The following RNF11 variants were observed in gnomAD, a reference collection of about 807,000 sequenced individuals.
RNF11 encodes ring finger protein 11.
A neutral mutation model predicts 15.8 loss-of-function variants in RNF11; 4 were observed. That is an observed-to-expected ratio of 0.25 (90% confidence interval 0.12 to 0.58). RNF11 has a LOEUF of 0.58. Ranked by LOEUF, RNF11 falls within the 20% of genes least tolerant of loss-of-function variation. The pLI is 0.91. For synonymous variants in RNF11, 68 were observed against 72.3 expected, an observed-to-expected ratio of 0.94 and a Z score of 0.30; for missense variants, 139 against 194.4, an observed-to-expected ratio of 0.71 and a Z score of 1.70.
chr1:51,238,703 T>G (rs895382329), intron 1 of RNF11, among the ~76,000 whole-genome samples: 2 of 152,056 alleles, frequency 1.3e-5, no homozygotes, highest in Non-Finnish European at 2.9e-5. Context: ...CCTCCTATGT[T>G]TACTATACAA....
At chr1:51,256,467 G>A (rs920531872) in intron 1 of RNF11, among the ~76,000 whole-genome samples, 7 of 151,934 alleles carry the variant, frequency 4.6e-5, no homozygotes, top group Non-Finnish European at 7.4e-5. Context: ...TTTACCTATC[G>A]AAGGACACCA....
intron 1 of RNF11, among the ~76,000 whole-genome samples, chr1:51,244,346 G>A (rs1646842871): frequency 6.6e-6 from 1 of 152,062 alleles, no homozygotes; most frequent in South Asian, 2.1e-4. Flanking sequence ...TGAGCTTTGG[G>A]AAAGTTAATT....
intron 1 of RNF11, among the ~76,000 whole-genome samples, chr1:51,244,458 C>T (rs1052144665): frequency 6.6e-6 from 1 of 152,174 alleles, no homozygotes; most frequent in African/African-American, 2.4e-5. Flanking sequence ...GATCTCAGCT[C>T]ACTGCAAGCT....
chr1:51,251,208 G>T, intron 1 of RNF11: 2 of 1,400,958 alleles, frequency 1.4e-6, no homozygotes, highest in Non-Finnish European at 2.0e-6. Flanking sequence ...AATGATCTCT[G>T]ATTCCTTAAT....
intron 1 of RNF11, among the ~76,000 whole-genome samples, chr1:51,267,608 A>G (rs1646960870): frequency 6.6e-6 from 1 of 152,248 alleles, no homozygotes; most frequent in Admixed American, 6.5e-5. Flanking sequence ...TGCCCCAGGT[A>G]CTGATTAGGC....
chr1:51,243,587 C>G (rs958569161), intron 1 of RNF11, among the ~76,000 whole-genome samples: 6 of 152,056 alleles, frequency 3.9e-5, no homozygotes, highest in Non-Finnish European at 8.8e-5. Context: ...TACAGGCATG[C>G]GCCACCACAC....
chr1:51,253,856 A>G (rs747718876), intron 1 of RNF11, among the ~76,000 whole-genome samples: 3 of 152,120 alleles, frequency 2.0e-5, no homozygotes, highest in African/African-American at 4.8e-5. Flanking sequence ...GGATCTTGCC[A>G]GGCACAATGA....
chr1:51,241,327 A>G (rs1160231788), intron 1 of RNF11, among the ~76,000 whole-genome samples: 3 of 152,152 alleles, frequency 2.0e-5, no homozygotes, highest in African/African-American at 4.8e-5. Flanking sequence ...GGCAGTAGCT[A>G]TTCACAGGTG....
rs566788322 is a variant in RNF11, at chr1:51,271,635, G to A, written c.*313G>A. 5.5e-6 allele frequency: 1 copy of A among 180,420 alleles called. No individual in the cohort carries two copies. The highest frequency in any genetic ancestry group is 2.3e-5 in the African/African-American group (1 of 42,758). 11.2% of individuals were successfully genotyped at this position (180,420 alleles called of 1,614,324 possible). On this transcript the variant is annotated 3_prime_UTR_variant, in exon 3 of 3. Transcript: ENST00000242719. ...CAGCAGCTGTATTTGTTTAAATTGT[G>A]TGTATTGAAGATTAGGAAAAAGATA...
chr1:51,266,308 C>T (rs1256191910), intron 1 of RNF11, among the ~76,000 whole-genome samples: 1 of 152,038 alleles, frequency 6.6e-6, no homozygotes, highest in Non-Finnish European at 1.5e-5. Flanking sequence ...GACAACAACC[C>T]AGGTATTTTC....
chr1:51,254,272 C>T (rs1646894396), intron 1 of RNF11, among the ~76,000 whole-genome samples: 2 of 151,872 alleles, frequency 1.3e-5, no homozygotes, highest in Non-Finnish European at 2.9e-5. Context: ...TCCTTGCTTC[C>T]TTGAATGAAT....
chr1:51,271,539 A>G lies in RNF11; in HGVS notation c.*217A>G. On this transcript the variant is annotated 3_prime_UTR_variant, in exon 3 of 3. Coordinates refer to ENST00000242719, the MANE Select transcript of RNF11 (RefSeq NM_014372.5). ...GTATTTTTATGTAAAGCCTTGACCCAATGTTTAAAAATATAATTGTATTTA... is the reference window on the plus strand; with the variant it reads ...GTATTTTTATGTAAAGCCTTGACCCGATGTTTAAAAATATAATTGTATTTA... The G allele has an allele frequency of 2.3e-6, 1 of 442,512 alleles. No individual in the cohort carries two copies. The highest frequency in any genetic ancestry group is 4.1e-6 in the Non-Finnish European group (1 of 245,912). 27.4% of individuals were successfully genotyped at this position (442,512 alleles called of 1,614,324 possible).
intron 1 of RNF11, among the ~76,000 whole-genome samples, chr1:51,259,846 C>T (rs1350651862): frequency 2.0e-5 from 3 of 152,122 alleles, no homozygotes; most frequent in Non-Finnish European, 2.9e-5. Flanking sequence ...GATCAAATAG[C>T]GTATGTAGGA....
intron 1 of RNF11, among the ~76,000 whole-genome samples, chr1:51,244,589 T>C (rs1418189038): frequency 6.6e-6 from 1 of 152,122 alleles, no homozygotes; most frequent in African/African-American, 2.4e-5. Context: ...GGTTTCACCG[T>C]GGTCTTGATC....
At chr1:51,240,447 G>GT (rs58755938) in intron 1 of RNF11, among the ~76,000 whole-genome samples, 3,197 of 152,072 alleles carry the variant, frequency 0.021, 96 homozygotes, top group African/African-American at 0.065. Context: ...TCACCCTGTT[G>GT]TTTTCCCCCC....
chr1:51,252,907 A>G (rs954407803), intron 1 of RNF11, among the ~76,000 whole-genome samples: 4 of 149,794 alleles, frequency 2.7e-5, no homozygotes, highest in Admixed American at 2.0e-4. Flanking sequence ...GCTCACTGCA[A>G]CCTCCACCTC....
intron 1 of RNF11, among the ~76,000 whole-genome samples, chr1:51,242,259 C>G (rs1049312685): frequency 6.7e-6 from 1 of 149,506 alleles, no homozygotes; most frequent in Non-Finnish European, 1.5e-5. Context: ...GCTTTTTTGA[C>G]AAATAAGAAA....
chr1:51,245,864 C>T (rs1194100537), intron 1 of RNF11, among the ~76,000 whole-genome samples: 4 of 152,148 alleles, frequency 2.6e-5, no homozygotes, highest in Non-Finnish European at 5.9e-5. Flanking sequence ...CGACTTGAGG[C>T]AAGAAAAGAA....
At chr1:51,249,516 A>G (rs1646867460) in intron 1 of RNF11, among the ~76,000 whole-genome samples, 1 of 152,180 alleles carries the variant, frequency 6.6e-6, no homozygotes, top group Non-Finnish European at 1.5e-5. Context: ...CCTTTTTTCC[A>G]AAGGTAACTG....
Sources: allele counts gnomAD v4.1 joint callset (sites outside exome capture counted in the v4.1 genomes callset), GRCh38; gene constraint gnomAD v4.1.1; transcripts MANE v1.5; gene names NCBI Gene and HGNC (gene_info 2026-07-23, HGNC 2026-07-21).